The following ARB2A variants were observed in gnomAD, a reference collection of about 807,000 sequenced individuals.
The protein encoded by ARB2A is cotranscriptional regulator ARB2A.
chr5:94,016,240 A>G, the ARB2A span, among the ~76,000 whole-genome samples: 144 of 152,356 alleles, frequency 9.5e-4, no homozygotes, highest in African/African-American at 3.4e-3. Flanking sequence ...GGAGATACAC[A>G]CACATACACA....
chr5:93,894,045 G>A, the ARB2A span, among the ~76,000 whole-genome samples: 1 of 152,136 alleles, frequency 6.6e-6, no homozygotes, highest in African/African-American at 2.4e-5. Context: ...ACTCTGTGCA[G>A]ATTCACATCC....
chr5:94,053,857 C>T, the ARB2A span, among the ~76,000 whole-genome samples: 1 of 152,192 alleles, frequency 6.6e-6, no homozygotes, highest in East Asian at 1.9e-4. Flanking sequence ...CAACCTCTGC[C>T]TCCCAGGCTC....
At chr5:93,972,354 C>G in the ARB2A span, among the ~76,000 whole-genome samples, 8 of 152,222 alleles carry the variant, frequency 5.3e-5, no homozygotes, top group East Asian at 1.5e-3. Context: ...CCTTGGCACC[C>G]TGAAAGCGCC....
chr5:93,967,170 T>C, the ARB2A span, among the ~76,000 whole-genome samples: 1 of 152,094 alleles, frequency 6.6e-6, no homozygotes, highest in African/African-American at 2.4e-5. Flanking sequence ...ATGAAAAAAG[T>C]ATTTCTTTCC....
At chr5:93,741,610 C>G in the ARB2A span, 1 of 1,453,616 alleles carries the variant, frequency 6.9e-7, no homozygotes, top group African/African-American at 1.4e-5. Flanking sequence ...TGATGGCCCT[C>G]GAGGCTTCAG....
At chr5:93,766,285 C>A in the ARB2A span, among the ~76,000 whole-genome samples, 1 of 152,126 alleles carries the variant, frequency 6.6e-6, no homozygotes, top group Non-Finnish European at 1.5e-5. Flanking sequence ...TTGCAATCCA[C>A]TCATCTGACA....
chr5:93,966,392 G>C, the ARB2A span, among the ~76,000 whole-genome samples: 1 of 152,030 alleles, frequency 6.6e-6, no homozygotes, highest in African/African-American at 2.4e-5. Context: ...GAAGTCAACA[G>C]CTCTTACTAG....
At chr5:93,838,992 T>C in the ARB2A span, among the ~76,000 whole-genome samples, 1 of 152,126 alleles carries the variant, frequency 6.6e-6, no homozygotes, top group African/African-American at 2.4e-5. Flanking sequence ...CACACAGGGA[T>C]AGTTTGACTT....
the ARB2A span, among the ~76,000 whole-genome samples, chr5:93,711,445 A>G: frequency 6.6e-6 from 1 of 152,126 alleles, no homozygotes. Flanking sequence ...ACCCTCAGTT[A>G]CTTTTCTGTT....
At chr5:93,790,368 A>G in the ARB2A span, among the ~76,000 whole-genome samples, 9 of 152,366 alleles carry the variant, frequency 5.9e-5, no homozygotes, top group East Asian at 1.7e-3. Context: ...ATAGAAGTTT[A>G]GTTTATAAAT....
At chr5:94,035,936 A>C in the ARB2A span, among the ~76,000 whole-genome samples, 1 of 152,170 alleles carries the variant, frequency 6.6e-6, no homozygotes, top group Non-Finnish European at 1.5e-5. Flanking sequence ...GCAGCAAACC[A>C]CCATGGCAGA....
the ARB2A span, among the ~76,000 whole-genome samples, chr5:94,071,052 A>T: frequency 6.6e-6 from 1 of 152,110 alleles, no homozygotes; most frequent in Admixed American, 6.6e-5. Flanking sequence ...TCAACTCAGG[A>T]CAAATGAAAA....
chr5:93,798,836 C>CTT, the ARB2A span, among the ~76,000 whole-genome samples: 4 of 152,252 alleles, frequency 2.6e-5, no homozygotes, highest in East Asian at 5.8e-4. Context: ...TGTCCTAGCA[C>CTT]TTTCCTTCCT....
At chr5:94,106,151 G>C in the ARB2A span, among the ~76,000 whole-genome samples, 2 of 151,908 alleles carry the variant, frequency 1.3e-5, no homozygotes, top group East Asian at 1.9e-4. Flanking sequence ...TTAAACTAAA[G>C]AGCCTCTACA....
At chr5:93,743,387 G>C in the ARB2A span, 1 of 192,776 alleles carries the variant, frequency 5.2e-6, no homozygotes, top group African/African-American at 2.4e-5. Flanking sequence ...TGTTAAATAA[G>C]TGAATCTCTG....
the ARB2A span, among the ~76,000 whole-genome samples, chr5:93,829,341 T>C: frequency 6.6e-6 from 1 of 152,164 alleles, no homozygotes; most frequent in Non-Finnish European, 1.5e-5. Flanking sequence ...TTTGTCCAGA[T>C]AGTGATCTTT....
At chr5:93,756,627 C>T in the ARB2A span, among the ~76,000 whole-genome samples, 11 of 152,302 alleles carry the variant, frequency 7.2e-5, no homozygotes, top group East Asian at 2.1e-3. Context: ...AGACAACAAT[C>T]ACTGCAGTTT....
At chr5:93,816,116 T>C in the ARB2A span, among the ~76,000 whole-genome samples, 1 of 152,210 alleles carries the variant, frequency 6.6e-6, no homozygotes, top group Non-Finnish European at 1.5e-5. Context: ...ATCCTAACTT[T>C]TAAAAGTTAA....
At chr5:93,808,673 T>C in the ARB2A span, among the ~76,000 whole-genome samples, 1 of 151,974 alleles carries the variant, frequency 6.6e-6, no homozygotes, top group East Asian at 1.9e-4. Context: ...ACAAAGTTAG[T>C]ATACAAAGCT....
Sources: allele counts gnomAD v4.1 joint callset (sites outside exome capture counted in the v4.1 genomes callset), GRCh38; gene constraint gnomAD v4.1.1; transcripts MANE v1.5; gene names NCBI Gene and HGNC (gene_info 2026-07-23, HGNC 2026-07-21).